The following SULF2 variants were observed in gnomAD, a reference collection of about 807,000 sequenced individuals.
SULF2 encodes the protein extracellular sulfatase Sulf-2.
SULF2 carries 52 observed loss-of-function variants against 107.7 expected under a neutral mutation model. The observed-to-expected ratio is 0.48, with a 90% CI of 0.39 to 0.61. The LOEUF (loss-of-function observed/expected upper bound fraction) is 0.61, where lower values mean the gene tolerates loss of function less well. SULF2 is among the 20% of genes least tolerant of loss of function. The pLI is 0.00. For synonymous variants in SULF2, 460 were observed against 464.3 expected (o/e 0.99, Z 0.12); for missense variants, 993 against 1,177.3 (o/e 0.84, Z 2.29).
At chr20:47,674,093 A>G (rs2087562690) in intron 10 of SULF2, among the ~76,000 whole-genome samples, 1 of 152,196 alleles carries the variant, frequency 6.6e-6, no homozygotes, top group Admixed American at 6.5e-5. Context: ...CGGTTTTTAC[A>G]TTGTACGTTT....
intron 1 of SULF2, among the ~76,000 whole-genome samples, chr20:47,763,810 G>A (rs2090468514): frequency 6.6e-6 from 1 of 152,106 alleles, no homozygotes; most frequent in African/African-American, 2.4e-5. Flanking sequence ...CTTCTACCTC[G>A]TCCCTTCCAT....
intron 3 of SULF2, among the ~76,000 whole-genome samples, chr20:47,731,185 CTCTTTTTT>C (rs1354155237): frequency 3.2e-5 from 3 of 93,332 alleles, no homozygotes; most frequent in South Asian, 6.7e-4. Context: ...CCTGTATCTT[CTCTTTTTT>C]TTTTTTTTTT....
rs111469963 is a variant in SULF2, at chr20:47,665,764, T to G, written c.1902+93A>C. 1,051 of 1,044,872 alleles carry G rather than the reference T, an allele frequency of 1.0e-3. 6 individuals carry two copies. In the African/African-American group the frequency reaches 0.015, roughly 15 times the overall value. 64.7% of individuals were successfully genotyped at this position (1,044,872 alleles called of 1,614,324 possible). On this transcript the variant is annotated intron_variant, in intron 13 of 20. Transcript: ENST00000688720. ...CACTTCACCTCTCCAGCCTCTTCCC[T>G]GGGTCTGGCCTCACTGCCCTCCCAC...
At chr20:47,702,080 CAG>C (rs756519387) in intron 4 of SULF2, among the ~76,000 whole-genome samples, 2 of 152,146 alleles carry the variant, frequency 1.3e-5, no homozygotes, top group African/African-American at 2.4e-5. Flanking sequence ...TTTTTAAAGA[CAG>C]AGTCTTGCTC....
chr20:47,765,218 G>C (rs927234486), intron 1 of SULF2, among the ~76,000 whole-genome samples: 1 of 152,076 alleles, frequency 6.6e-6, no homozygotes, highest in African/African-American at 2.4e-5. Context: ...AGCTGGGCGT[G>C]GTGGCGGGCG....
At chr20:47,681,624 G>T (rs1448931066) in intron 7 of SULF2, among the ~76,000 whole-genome samples, 1 of 152,168 alleles carries the variant, frequency 6.6e-6, no homozygotes, top group East Asian at 1.9e-4. Context: ...TGCCTCAGTG[G>T]CCTTGGGTGT....
chr20:47,669,785 C>G (rs1363338724), intron 11 of SULF2, among the ~76,000 whole-genome samples: 1 of 152,198 alleles, frequency 6.6e-6, no homozygotes, highest in East Asian at 1.9e-4. Flanking sequence ...TGAGCTGACT[C>G]TCAGCTACTT....
rs1317039096 is a variant in SULF2 at position 47,659,495 on chromosome 20, C to A, written c.2529-43G>T. 7 of 1,604,278 alleles carry A rather than the reference C, an allele frequency of 4.4e-6. No homozygotes were observed. In the South Asian group the frequency reaches 6.6e-5, roughly 15 times the overall value. On this transcript the variant is annotated intron_variant, in intron 19 of 20. Coordinates refer to ENST00000688720, the MANE Select transcript of SULF2 (RefSeq NM_001387048.1). ...AAAGGAGAATGAATGTTAACCATCACCAAGAAAGAAAAAGTCCCCAAAGAA... is the reference window on the plus strand; with the variant it reads ...AAAGGAGAATGAATGTTAACCATCAACAAGAAAGAAAAAGTCCCCAAAGAA...
chr20:47,718,957 T>C (rs145814767), intron 3 of SULF2, among the ~76,000 whole-genome samples: 85 of 152,366 alleles, frequency 5.6e-4, no homozygotes, highest in African/African-American at 1.9e-3. Context: ...TCTTAATCTG[T>C]TGTCCCAAGA....
chr20:47,753,117 AAAG>A, intron 2 of SULF2, among the ~76,000 whole-genome samples: 1 of 132,418 alleles, frequency 7.6e-6, no homozygotes, highest in Non-Finnish European at 1.6e-5. Flanking sequence ...AAAAAAAAAA[AAAG>A]AAAGAAAAGA....
intron 3 of SULF2, among the ~76,000 whole-genome samples, chr20:47,734,858 T>A (rs2089692827): frequency 6.6e-6 from 1 of 152,200 alleles, no homozygotes; most frequent in African/African-American, 2.4e-5. Context: ...AAAGCACTTA[T>A]TTAGGGAGAC....
chr20:47,692,059 C>G (rs1449818593), intron 4 of SULF2, among the ~76,000 whole-genome samples: 1 of 152,162 alleles, frequency 6.6e-6, no homozygotes, highest in Non-Finnish European at 1.5e-5. Flanking sequence ...AGCCACAGCA[C>G]CCATACAACT....
rs373144098 is a variant in SULF2, at chr20:47,711,576, A to G, written c.416-8906T>C. 4.5e-4 allele frequency among the ~76,000 whole-genome samples: 69 copies of G among 152,230 alleles called. 1 individual carries two copies. Among genetic ancestry groups the G allele is most frequent in the African/African-American group, 1.6e-3 (65 of 41,472 alleles). The stretch of plus-strand genomic sequence containing the variant: ...TTTAAGGACATCAGCAACTTTCGGT[A>G]CATGTTCATCCCACACCATTTCCAC... On this transcript the variant is annotated intron_variant, in intron 3 of 20. Coordinates refer to ENST00000688720, the MANE Select transcript of SULF2 (RefSeq NM_001387048.1).
chr20:47,745,382 G>GAAAAA (rs1158560282), intron 2 of SULF2, among the ~76,000 whole-genome samples: 2 of 52,046 alleles, frequency 3.8e-5, no homozygotes, highest in Non-Finnish European at 8.3e-5. Flanking sequence ...AGTTTTGAGG[G>GAAAAA]AAAAAAAAAA....
intron 2 of SULF2, among the ~76,000 whole-genome samples, chr20:47,742,185 C>G (rs967531523): frequency 6.6e-6 from 1 of 152,234 alleles, no homozygotes. Flanking sequence ...TGTAAACCTA[C>G]CTCTGTAACA....
chr20:47,720,539 TATCATA>T (rs901642126), intron 3 of SULF2, among the ~76,000 whole-genome samples: 36 of 144,380 alleles, frequency 2.5e-4, no homozygotes, highest in African/African-American at 7.9e-4. Flanking sequence ...ATTACAGGCC[TATCATA>T]ATCTTTTTTT....
At chr20:47,679,695 C>T (rs2087761486) in intron 7 of SULF2, among the ~76,000 whole-genome samples, 1 of 152,298 alleles carries the variant, frequency 6.6e-6, no homozygotes, top group African/African-American at 2.4e-5. Flanking sequence ...CTGGCCGGCA[C>T]CTTGATTTCA....
At chr20:47,737,761 T>TTG (rs1440242677) in intron 2 of SULF2, among the ~76,000 whole-genome samples, 1 of 132,112 alleles carries the variant, frequency 7.6e-6, no homozygotes, top group Non-Finnish European at 1.6e-5. Flanking sequence ...CTTTGTTTTT[T>TTG]TTTTTTTTTT....
chr20:47,757,289 G>A lies in SULF2; in HGVS notation c.75C>T (p.Phe25=). Residue 25 remains phenylalanine (F), a synonymous_variant, in exon 2 of 21, where the codon TTC becomes TTT. Coordinates refer to ENST00000688720, the MANE Select transcript of SULF2 (RefSeq NM_001387048.1). ...TGCCTTTCAGGCGGTGGTGCGACAG[G>A]AAGGCCGAGCTTCCACCCAGCAGGG... The part of the protein sequence containing the change: ...VFSLLGGSSA[F]LSHHRLKGRF... 2 of 1,593,520 alleles carry A rather than the reference G, an allele frequency of 1.3e-6. No individual in the cohort carries two copies. The highest frequency in any genetic ancestry group is 1.7e-4 in the Middle Eastern group (1 of 6,042).
Sources: allele counts gnomAD v4.1 joint callset (sites outside exome capture counted in the v4.1 genomes callset), GRCh38; gene constraint gnomAD v4.1.1; transcripts MANE v1.5; gene names NCBI Gene and HGNC (gene_info 2026-07-23, HGNC 2026-07-21).